Variants in ASPRV1 observed in about 807,000 individuals in gnomAD.
The protein encoded by ASPRV1 is aspartic peptidase retroviral like 1.
A neutral mutation model predicts 11.0 loss-of-function variants in ASPRV1; 7 were observed. That is an observed-to-expected ratio of 0.64 (90% CI 0.36 to 1.20). The LOEUF is 1.20. Ranked by LOEUF, ASPRV1 falls within the 50% of genes most tolerant of loss-of-function variation. The probability of loss-of-function intolerance (pLI) is 0.02; values close to 1 mark genes in which losing one functional copy is unlikely to be tolerated. For missense variants in ASPRV1, 299 were observed against 320.0 expected (o/e 0.93, Z 0.50); for synonymous variants, 136 against 138.4 (o/e 0.98, Z 0.12).
At chr2:70,068,574 G>C in the ASPRV1 span, among the ~76,000 whole-genome samples, 4 of 152,088 alleles carry the variant, frequency 2.6e-5, no homozygotes, top group African/African-American at 9.7e-5. Flanking sequence ...CAGGAAGCTA[G>C]AGATGTGAAT....
the ASPRV1 span, among the ~76,000 whole-genome samples, chr2:70,036,975 G>A: frequency 6.6e-6 from 1 of 152,146 alleles, no homozygotes; most frequent in Non-Finnish European, 1.5e-5. Flanking sequence ...GGCAGGAAGG[G>A]AAGAACCAAA....
the ASPRV1 span, among the ~76,000 whole-genome samples, chr2:70,068,946 C>CAAAAAAAAAAAAAAAAAAAAAAAAAAAA: frequency 1.7e-5 from 1 of 59,084 alleles, no homozygotes; most frequent in Admixed American, 2.2e-4. Context: ...ACTCTTGTCT[C>CAAAAAAAAAAAAAAAAAAAAAAAAAAAA]AAAAAAAAAA....
chr2:70,015,997 C>T, the ASPRV1 span: 4 of 152,134 alleles, frequency 2.6e-5, no homozygotes, highest in Non-Finnish European at 4.4e-5. Flanking sequence ...CTTCAATAGT[C>T]CACTTTCAAT....
At chr2:69,977,831 G>A in the ASPRV1 span, among the ~76,000 whole-genome samples, 1 of 152,222 alleles carries the variant, frequency 6.6e-6, no homozygotes. Context: ...AGTAACTCCA[G>A]AGGGGGGAGT....
the ASPRV1 span, chr2:70,073,272 G>C: frequency 4.6e-5 from 7 of 152,066 alleles, no homozygotes; most frequent in African/African-American, 1.7e-4. Flanking sequence ...GCTCTTTTCA[G>C]CTCCAAGAGT....
the ASPRV1 span, chr2:69,997,896 A>ATT: frequency 1.3e-5 from 2 of 152,202 alleles, no homozygotes; most frequent in Non-Finnish European, 2.9e-5. Context: ...AACAATTGAC[A>ATT]TTTTTTGTGC....
the ASPRV1 span, among the ~76,000 whole-genome samples, chr2:69,935,849 C>T: frequency 1.3e-5 from 2 of 152,328 alleles, no homozygotes; most frequent in Admixed American, 6.5e-5. Context: ...TGGGTCCCTC[C>T]CGTCTGCTTT....
At chr2:69,973,976 C>T in the ASPRV1 span, among the ~76,000 whole-genome samples, 1 of 152,048 alleles carries the variant, frequency 6.6e-6, no homozygotes, top group African/African-American at 2.4e-5. Flanking sequence ...CACAGTAACA[C>T]AACATTATAT....
chr2:69,953,035 T>C, the ASPRV1 span, among the ~76,000 whole-genome samples: 5 of 152,278 alleles, frequency 3.3e-5, no homozygotes, highest in East Asian at 7.7e-4. Context: ...CACAGCGGGG[T>C]GAGACATGAA....
At position 69,960,756 on chromosome 2, in the gene ASPRV1, G is replaced by A; in HGVS notation, c.681C>T (p.Arg227=). The A allele has an allele frequency of 6.2e-7, 1 of 1,614,146 alleles. No homozygotes were observed. Among genetic ancestry groups the A allele is most frequent in the Non-Finnish European group, 8.5e-7 (1 of 1,180,016 alleles). The change falls in exon 1 of 1, where the codon CGC becomes CGT. Residue 227 remains arginine (R), a synonymous_variant. Transcript: ENST00000320256. ...RTCTLKGKKF[R]LLPVGGSLED... ...CCAGGGACCCTCCCACAGGCAGAAG[G>A]CGAAACTTCTTCCCTTTCAGGGTGC...
chr2:70,015,987 C>A, the ASPRV1 span: 2 of 151,896 alleles, frequency 1.3e-5, no homozygotes, highest in East Asian at 3.9e-4. Flanking sequence ...TAGTAGGAGA[C>A]TTCAATAGTC....
chr2:70,019,137 C>G, the ASPRV1 span: 1 of 152,132 alleles, frequency 6.6e-6, no homozygotes, highest in Non-Finnish European at 1.5e-5. Context: ...ATACGACATA[C>G]AAATGGCCAA....
chr2:69,979,601 C>T, the ASPRV1 span, among the ~76,000 whole-genome samples: 1 of 152,208 alleles, frequency 6.6e-6, no homozygotes, highest in African/African-American at 2.4e-5. Flanking sequence ...CCAAAATGGC[C>T]TGGGGGCAGA....
the ASPRV1 span, chr2:69,939,497 A>T: frequency 6.5e-6 from 1 of 152,672 alleles, no homozygotes; most frequent in Non-Finnish European, 1.5e-5. Flanking sequence ...TGTACATAAG[A>T]CACATTAAAT....
chr2:70,063,825 T>C, the ASPRV1 span: 2 of 152,220 alleles, frequency 1.3e-5, no homozygotes, highest in Admixed American at 6.5e-5. Flanking sequence ...TGCTAAAAGA[T>C]GATTTAAGTA....
the ASPRV1 span, among the ~76,000 whole-genome samples, chr2:69,933,218 A>G: frequency 6.6e-6 from 1 of 151,218 alleles, no homozygotes; most frequent in African/African-American, 2.4e-5. Context: ...AAAAAAAAAA[A>G]AAAAAACAAA....
chr2:69,997,551 C>T, the ASPRV1 span, among the ~76,000 whole-genome samples: 1 of 152,182 alleles, frequency 6.6e-6, no homozygotes. Context: ...TCTTGGCCAC[C>T]TCTCCTGTCT....
At chr2:69,934,035 G>A in the ASPRV1 span, among the ~76,000 whole-genome samples, 1 of 152,182 alleles carries the variant, frequency 6.6e-6, no homozygotes, top group African/African-American at 2.4e-5. Context: ...AAGTCTAGTT[G>A]AATAGATGAC....
Position 69,960,406 on chromosome 2 carries a change from C to T in ASPRV1, c.*251G>A, listed in dbSNP as rs3087933. 88,238 of 474,140 alleles carry T rather than the reference C, an allele frequency of 0.19. 14,283 individuals carry two copies. The highest frequency in any genetic ancestry group is 0.52 in the African/African-American group (27,268 of 52,066). The allele number at this position is 474,140 out of a possible 1,614,324, so 29.4% of individuals were successfully genotyped here. On this transcript the variant is annotated 3_prime_UTR_variant, in exon 1 of 1. Coordinates refer to ENST00000320256, the MANE Select transcript of ASPRV1 (RefSeq NM_152792.4). ...CCAGCCTTTGAGTCTTTGTCATCAA[C>T]AGCAGCTTGATGACCATGGGGACCC...
Sources: gnomAD v4.1 joint callset for allele counts (sites outside exome capture counted in the v4.1 genomes callset) on GRCh38, gnomAD v4.1.1 for gene constraint, MANE v1.5 for transcripts, NCBI Gene and HGNC (gene_info 2026-07-23, HGNC 2026-07-21) for gene names.